NDUFS4: variants seen among roughly 807,000 people sequenced by gnomAD.
NDUFS4 encodes the protein NADH dehydrogenase [ubiquinone] iron-sulfur protein 4, mitochondrial.
A neutral mutation model predicts 24.3 loss-of-function variants in NDUFS4; 28 were observed. The observed-to-expected ratio is 1.15, with a 90% CI of 0.85 to 1.58. The LOEUF is 1.58. Among genes scored for constraint, NDUFS4 ranks in the 40% most tolerant of loss-of-function variants. NDUFS4 has a pLI of 0.00. For synonymous variants in NDUFS4, 93 were observed against 69.7 expected, an observed-to-expected ratio of 1.34 and a Z score of -1.67; for missense variants, 223 against 207.9, an observed-to-expected ratio of 1.07 and a Z score of -0.45.
intron 3 of NDUFS4, among the ~76,000 whole-genome samples, chr5:53,654,090 C>T (rs959114869): frequency 6.6e-6 from 1 of 151,954 alleles, no homozygotes; most frequent in Admixed American, 6.6e-5. Context: ...TCATGATATT[C>T]AACATCCTTA....
chr5:53,618,647 A>G (rs1299755767), intron 2 of NDUFS4, among the ~76,000 whole-genome samples: 1 of 152,222 alleles, frequency 6.6e-6, no homozygotes, highest in African/African-American at 2.4e-5. Context: ...ACAATCAACT[A>G]TGTAATTCTT....
chr5:53,567,607 C>T (rs1045460690), intron 1 of NDUFS4, among the ~76,000 whole-genome samples: 4 of 151,374 alleles, frequency 2.6e-5, no homozygotes, highest in Non-Finnish European at 5.9e-5. Context: ...TTAGGAAAAA[C>T]GGTTGTATTG....
At chr5:53,610,694 G>A (rs992852137) in intron 2 of NDUFS4, among the ~76,000 whole-genome samples, 8 of 152,092 alleles carry the variant, frequency 5.3e-5, no homozygotes, top group Non-Finnish European at 1.0e-4. Flanking sequence ...AAAAGCTTGC[G>A]AATCATTCTC....
intron 2 of NDUFS4, among the ~76,000 whole-genome samples, chr5:53,641,698 CTT>C (rs1751708831): frequency 6.6e-6 from 1 of 152,118 alleles, no homozygotes; most frequent in African/African-American, 2.4e-5. Flanking sequence ...TCTGCCAACT[CTT>C]TATATTTTTT....
chr5:53,595,223 C>T (rs1291640691), intron 1 of NDUFS4, among the ~76,000 whole-genome samples: 2 of 151,962 alleles, frequency 1.3e-5, no homozygotes, highest in Admixed American at 6.6e-5. Flanking sequence ...TTTCAAATTT[C>T]CTTGGTTATT....
At chr5:53,677,569 T>C (rs1485923576) in intron 4 of NDUFS4, among the ~76,000 whole-genome samples, 1 of 152,178 alleles carries the variant, frequency 6.6e-6, no homozygotes, top group African/African-American at 2.4e-5. Context: ...TAAAGAGACT[T>C]TTAAAGTGAA....
chr5:53,629,508 G>A (rs1488366764), intron 2 of NDUFS4, among the ~76,000 whole-genome samples: 2 of 152,122 alleles, frequency 1.3e-5, no homozygotes, highest in African/African-American at 2.4e-5. Flanking sequence ...TATTGTGTGG[G>A]AGGCTAAGTC....
At chr5:53,574,359 A>T (rs1218349285) in intron 1 of NDUFS4, among the ~76,000 whole-genome samples, 1 of 152,132 alleles carries the variant, frequency 6.6e-6, no homozygotes, top group African/African-American at 2.4e-5. Flanking sequence ...TTAGACTGTT[A>T]ATGTGGTAGA....
In NDUFS4 at chr5:53,560,700, C is replaced by T. The variant is rs1055697987; in HGVS notation, c.38C>T (p.Thr13Met). The change falls in exon 1 of 5, where the codon ACG becomes ATG. Residue 13 changes from threonine to methionine, a missense_variant. Coordinates refer to ENST00000296684, the MANE Select transcript of NDUFS4 (RefSeq NM_002495.4). ...AVSMSVVLRQ[T>M]LWRRRAVAVA... ...TCAATGTCAGTGGTACTGAGGCAGACGTTGTGGCGGAGAAGGGCAGTGGCT... is the reference window on the plus strand; with the variant it reads ...TCAATGTCAGTGGTACTGAGGCAGATGTTGTGGCGGAGAAGGGCAGTGGCT... 2 of 1,614,256 alleles carry T rather than the reference C, an allele frequency of 1.2e-6. No homozygotes were observed. The highest frequency in any genetic ancestry group is 1.7e-6 in the Non-Finnish European group (2 of 1,180,038).
intron 1 of NDUFS4, among the ~76,000 whole-genome samples, chr5:53,578,577 T>C (rs1287256864): frequency 1.3e-5 from 2 of 152,218 alleles, no homozygotes; most frequent in East Asian, 1.9e-4. Context: ...ACTTGCTAAC[T>C]GTGCTTTCCT....
intron 2 of NDUFS4, among the ~76,000 whole-genome samples, chr5:53,607,589 C>G (rs534069550): frequency 6.6e-6 from 1 of 152,098 alleles, no homozygotes; most frequent in Non-Finnish European, 1.5e-5. Context: ...CTATATACCT[C>G]TATGAACTAG....
chr5:53,591,377 A>G (rs1436918759), intron 1 of NDUFS4, among the ~76,000 whole-genome samples: 2 of 139,400 alleles, frequency 1.4e-5, no homozygotes, highest in African/African-American at 2.7e-5. Context: ...TGGCTGTGTC[A>G]TTTTACATTC....
chr5:53,610,359 C>G (rs759486242), intron 2 of NDUFS4, among the ~76,000 whole-genome samples: 1 of 151,878 alleles, frequency 6.6e-6, no homozygotes, highest in Non-Finnish European at 1.5e-5. Context: ...TGTGGCACCC[C>G]AAAACAATTA....
chr5:53,584,376 A>G (rs1416195646), intron 1 of NDUFS4, among the ~76,000 whole-genome samples: 3 of 151,736 alleles, frequency 2.0e-5, no homozygotes, highest in African/African-American at 7.3e-5. Flanking sequence ...TTTTTTTGAG[A>G]TGGAGTTTCG....
At chr5:53,578,121 G>T (rs35204933) in intron 1 of NDUFS4, among the ~76,000 whole-genome samples, 14,131 of 152,096 alleles carry the variant, frequency 0.093, 783 homozygotes, top group Non-Finnish European at 0.13. Context: ...TTCATAGTTC[G>T]TACTAGAATG....
rs73754277 is a variant in NDUFS4, at chr5:53,640,834, C to A, written c.178-5399C>A. Among the ~76,000 whole-genome samples the A allele has an allele frequency of 7.3e-3, 1,106 of 152,152 alleles. 14 individuals are homozygous for A. Among genetic ancestry groups the A allele is most frequent in the African/African-American group, 0.025 (1,056 of 41,520 alleles). ...CTTTGTTGCTATAGTGGTTATGGAT[C>A]TCCAGTTTCCCATGGAATATGACAT... On this transcript the variant is annotated intron_variant, in intron 2 of 4. Transcript: ENST00000296684.
intron 1 of NDUFS4, among the ~76,000 whole-genome samples, chr5:53,578,150 GTTTA>G (rs1269796746): frequency 1.3e-5 from 2 of 152,292 alleles, no homozygotes; most frequent in African/African-American, 4.8e-5. Context: ...ATGCATCTGA[GTTTA>G]TTTAACAAAT....
At chr5:53,570,670 T>C (rs568603208) in intron 1 of NDUFS4, among the ~76,000 whole-genome samples, 2 of 148,632 alleles carry the variant, frequency 1.3e-5, no homozygotes, top group South Asian at 4.3e-4. Context: ...AACATTTGTA[T>C]TGTATTTTTT....
chr5:53,676,384 G>T (rs961648757), intron 4 of NDUFS4, among the ~76,000 whole-genome samples: 6 of 152,282 alleles, frequency 3.9e-5, no homozygotes, highest in African/African-American at 1.2e-4. Context: ...TGGTCACATA[G>T]TTTGTCGTCT....
Sources: gnomAD v4.1 joint callset for allele counts (sites outside exome capture counted in the v4.1 genomes callset) on GRCh38, gnomAD v4.1.1 for gene constraint, MANE v1.5 for transcripts, NCBI Gene and HGNC (gene_info 2026-07-23, HGNC 2026-07-21) for gene names.